The following JARID2 variants were observed in gnomAD, a reference collection of about 807,000 sequenced individuals.
JARID2 encodes protein Jumonji.
A neutral mutation model predicts 125.6 loss-of-function variants in JARID2; 21 were observed. That is an observed-to-expected ratio of 0.17 (90% CI 0.12 to 0.24). JARID2 has a LOEUF of 0.24. JARID2 is among the 10% of genes least tolerant of loss of function. The probability of loss-of-function intolerance (pLI) is 1.00; values close to 1 mark genes in which losing one functional copy is unlikely to be tolerated. For synonymous variants in JARID2, 736 were observed against 661.6 expected (o/e 1.11, Z -1.73); for missense variants, 1,303 against 1,639.6 (o/e 0.79, Z 3.55).
chr6:15,329,183 T>G (rs1371947122), intron 1 of JARID2, among the ~76,000 whole-genome samples: 1 of 51,310 alleles, frequency 1.9e-5, no homozygotes, highest in Non-Finnish European at 4.3e-5. Context: ...AATATGGTTT[T>G]TTTTTTTTGG....
intron 1 of JARID2, among the ~76,000 whole-genome samples, chr6:15,348,099 G>C (rs1009949369): frequency 1.2e-4 from 18 of 146,340 alleles, no homozygotes; most frequent in Non-Finnish European, 1.5e-4. Context: ...GTTTTGTTCT[G>C]TTTTTTTTTT....
chr6:15,354,858 G>C (rs1224592864), intron 1 of JARID2, among the ~76,000 whole-genome samples: 1 of 152,212 alleles, frequency 6.6e-6, no homozygotes, highest in Non-Finnish European at 1.5e-5. Context: ...CTGGGGTATA[G>C]GTTGGTCAGA....
chr6:15,302,605 T>C lies in JARID2; in HGVS notation c.45+56021T>C, dbSNP rs146312060. On this transcript the variant is annotated intron_variant, in intron 1 of 17. Transcript: ENST00000341776. ...GTTAATTTTTACGGTGACCCACTTT[T>C]AGTTAAGTGAGAATTTCTTTCTAAA... 5.9e-5 allele frequency among the ~76,000 whole-genome samples: 9 copies of C among 152,350 alleles called. No individual in the cohort carries two copies. In the East Asian group the frequency reaches 1.5e-3, roughly 26 times the overall value.
At chr6:15,405,638 C>T (rs1009238338) in intron 2 of JARID2, among the ~76,000 whole-genome samples, 1 of 151,514 alleles carries the variant, frequency 6.6e-6, no homozygotes, top group Admixed American at 6.6e-5. Context: ...TCTGTTTAAC[C>T]TCCTCTCCCC....
intron 1 of JARID2, among the ~76,000 whole-genome samples, chr6:15,293,807 T>C (rs570293882): frequency 2.6e-5 from 4 of 152,246 alleles, no homozygotes; most frequent in Non-Finnish European, 5.9e-5. Flanking sequence ...TAAGTGGGTA[T>C]GTCATAGCAT....
chr6:15,463,712 G>A (rs1022041775), intron 4 of JARID2, among the ~76,000 whole-genome samples: 1 of 152,158 alleles, frequency 6.6e-6, no homozygotes, highest in Non-Finnish European at 1.5e-5. Flanking sequence ...GATTACAGGT[G>A]TGAGCCACCC....
intron 2 of JARID2, among the ~76,000 whole-genome samples, chr6:15,379,509 C>CA: frequency 6.6e-6 from 1 of 152,286 alleles, no homozygotes; most frequent in East Asian, 1.9e-4. Context: ...ATTACACAGT[C>CA]AGAGAGGGAA....
chr6:15,507,919 G>T (rs1410346328), intron 11 of JARID2, among the ~76,000 whole-genome samples: 1 of 152,248 alleles, frequency 6.6e-6, no homozygotes, highest in East Asian at 1.9e-4. Flanking sequence ...GAGCCAAGGA[G>T]CCCTGTGCCC....
intron 1 of JARID2, chr6:15,368,666 C>A (rs1198118140): frequency 2.0e-6 from 1 of 489,162 alleles, no homozygotes; most frequent in Non-Finnish European, 4.1e-6. Flanking sequence ...TAGTGCCATA[C>A]CTTTTTGGGT....
At chr6:15,506,985 TAGCGTCCTGCTG>T in intron 9 of JARID2, 139 bp from the exon 10 acceptor site, 1 of 617,380 alleles carries the variant, frequency 1.6e-6, no homozygotes, top group Non-Finnish European at 3.0e-6. Flanking sequence ...CTTTCTGCAT[TAGCGTCCTGCTG>T]GAGACACTCT....
intron 2 of JARID2, among the ~76,000 whole-genome samples, chr6:15,403,105 T>G (rs1045615487): frequency 1.3e-5 from 2 of 152,154 alleles, no homozygotes; most frequent in Non-Finnish European, 2.9e-5. Context: ...GGATGAGCCC[T>G]TGCCCCAAAG....
chr6:15,463,470 G>C (rs539402385), intron 4 of JARID2, among the ~76,000 whole-genome samples: 2 of 131,146 alleles, frequency 1.5e-5, no homozygotes, highest in East Asian at 4.6e-4. Context: ...CCCTCTTGTT[G>C]CCCAAGCTGG....
At position 15,496,383 on chromosome 6, in the gene JARID2, C is replaced by A; in HGVS notation, c.1158C>A (p.Thr386=). The A allele has an allele frequency of 4.3e-6, 7 of 1,614,160 alleles. No individual in the cohort carries two copies. Among genetic ancestry groups the A allele is most frequent in the Non-Finnish European group, 5.9e-6 (7 of 1,180,040 alleles). ...AAACTGAAAGTAGCAATGCAAAAAC[C>A]CGCAAACAGGTGCTATCCCTCGGGG... is the stretch of plus-strand genomic sequence containing the variant. ...SGKTESSNAK[T]RKQVLSLGGA... The change falls in exon 7 of 18, where the codon ACC becomes ACA. Residue 386 remains threonine, a synonymous_variant. Transcript: ENST00000341776.
intron 1 of JARID2, among the ~76,000 whole-genome samples, chr6:15,287,215 T>C (rs1761038051): frequency 1.3e-5 from 2 of 152,212 alleles, no homozygotes; most frequent in African/African-American, 2.4e-5. Context: ...AGGTTCTTTT[T>C]CCTAAAAGTG....
chr6:15,444,167 C>T (rs529714470), intron 3 of JARID2, among the ~76,000 whole-genome samples: 43 of 152,310 alleles, frequency 2.8e-4, no homozygotes, highest in South Asian at 1.9e-3. Context: ...GATAACTCTG[C>T]TTACAGAGCC....
intron 1 of JARID2, among the ~76,000 whole-genome samples, chr6:15,350,692 C>G (rs571435606): frequency 4.1e-4 from 61 of 149,986 alleles, no homozygotes; most frequent in African/African-American, 1.5e-3. Context: ...AAACAAGATT[C>G]ACATGGATTT....
At chr6:15,473,514 G>GCCCCCCC (rs3841758) in intron 5 of JARID2, among the ~76,000 whole-genome samples, 5 of 35,064 alleles carry the variant, frequency 1.4e-4, no homozygotes, top group Non-Finnish European at 2.2e-4. Context: ...TGATGTGCGT[G>GCCCCCCC]CCCCCCCCCC....
chr6:15,287,083 G>A (rs956260377), intron 1 of JARID2, among the ~76,000 whole-genome samples: 1 of 152,054 alleles, frequency 6.6e-6, no homozygotes, highest in Non-Finnish European at 1.5e-5. Context: ...CCCAGATGGC[G>A]TCATTGAACT....
chr6:15,366,229 G>T (rs80257052), intron 1 of JARID2, among the ~76,000 whole-genome samples: 4,858 of 152,182 alleles, frequency 0.032, 125 homozygotes, highest in Admixed American at 0.066. Context: ...AAAATAAAAG[G>T]CATTCATGTA....
Sources: allele counts gnomAD v4.1 joint callset (sites outside exome capture counted in the v4.1 genomes callset), GRCh38; gene constraint gnomAD v4.1.1; transcripts MANE v1.5; gene names NCBI Gene and HGNC (gene_info 2026-07-23, HGNC 2026-07-21).